PDE8A: variants seen among roughly 807,000 people sequenced by gnomAD.
PDE8A encodes high affinity cAMP-specific and IBMX-insensitive 3',5'-cyclic phosphodiesterase 8A.
PDE8A carries 59 observed loss-of-function variants against 105.0 expected under a neutral mutation model. The observed-to-expected ratio is 0.56, with a 90% CI of 0.46 to 0.70. PDE8A has a LOEUF of 0.70. PDE8A is among the 30% of genes least tolerant of loss of function. The pLI, the probability that PDE8A is intolerant of heterozygous loss-of-function variation, is 0.00. For synonymous variants in PDE8A, 355 were observed against 371.9 expected (o/e 0.95, Z 0.52); for missense variants, 1,014 against 1,045.9 (o/e 0.97, Z 0.42).
At chr15:85,066,969 C>A in intron 2 of PDE8A, 45 bp from the exon 3 acceptor site, 1 of 1,398,062 alleles carries the variant, frequency 7.2e-7, no homozygotes, top group Non-Finnish European at 9.9e-7. Flanking sequence ...AATGACAATT[C>A]TAACATCTTT....
At chr15:85,102,302 TAGGG>T (rs2081875863) in intron 11 of PDE8A, among the ~76,000 whole-genome samples, 1 of 151,864 alleles carries the variant, frequency 6.6e-6, no homozygotes, top group South Asian at 2.1e-4. Flanking sequence ...GAAGCACACA[TAGGG>T]AGGGAGGGGG....
intron 1 of PDE8A, among the ~76,000 whole-genome samples, chr15:84,986,905 G>A (rs1363850857): frequency 6.6e-6 from 1 of 152,160 alleles, no homozygotes; most frequent in Non-Finnish European, 1.5e-5. Context: ...GTGGGTTACT[G>A]TGCCCAACTG....
intron 1 of PDE8A, among the ~76,000 whole-genome samples, chr15:85,010,145 T>C (rs1022482671): frequency 1.3e-5 from 2 of 152,196 alleles, no homozygotes; most frequent in Admixed American, 6.5e-5. Context: ...GGAGAAGGCT[T>C]GAGGGCTTTT....
At position 85,004,599 on chromosome 15, in the gene PDE8A, T is replaced by G. The variant is rs1022289538; in HGVS notation, c.186+22251T>G. 6.6e-5 allele frequency among the ~76,000 whole-genome samples: 10 copies of G among 152,210 alleles called. No individual in the cohort carries two copies. The East Asian group carries it at 9.6e-4, about 15-fold the overall frequency. The stretch of plus-strand genomic sequence containing the variant: ...AAATCCACTCTATCGCCTAATACTT[T>G]AAGATTAATTTTCTTGACTTGCAAC... On this transcript the variant is annotated intron_variant, in intron 1 of 21. Transcript: ENST00000394553.
chr15:85,092,325 G>T (rs1201911337), intron 8 of PDE8A, among the ~76,000 whole-genome samples: 8 of 135,808 alleles, frequency 5.9e-5, no homozygotes, highest in East Asian at 5.9e-4. Flanking sequence ...TTTTTTTGTT[G>T]TTGTTTTTTT....
intron 13 of PDE8A, 77 bp from the exon 14 acceptor site, chr15:85,113,796 A>C (rs2082054204): frequency 3.5e-6 from 4 of 1,129,452 alleles, no homozygotes; most frequent in Non-Finnish European, 5.2e-6. Flanking sequence ...CTGGAATTAC[A>C]GACACGTACT....
chr15:85,101,497 A>G (rs1266589811), intron 11 of PDE8A, among the ~76,000 whole-genome samples: 1 of 152,226 alleles, frequency 6.6e-6, no homozygotes, highest in East Asian at 1.9e-4. Flanking sequence ...CAATGGGGAA[A>G]GAGGTATTTG....
chr15:85,023,382 T>G (rs914063991), intron 1 of PDE8A, among the ~76,000 whole-genome samples: 7 of 152,062 alleles, frequency 4.6e-5, no homozygotes, highest in Admixed American at 3.3e-4. Flanking sequence ...GCATAGGAAA[T>G]AATTGGGTTG....
At chr15:85,066,878 G>A (rs878914213) in intron 2 of PDE8A, 136 bp from the exon 3 acceptor site, 5 of 593,712 alleles carry the variant, frequency 8.4e-6, no homozygotes, top group Non-Finnish European at 1.4e-5. Flanking sequence ...GGCAGAGGTT[G>A]CAGTGAGCCA....
intron 17 of PDE8A, among the ~76,000 whole-genome samples, chr15:85,118,615 C>G (rs1363476438): frequency 6.6e-6 from 1 of 152,256 alleles, no homozygotes; most frequent in South Asian, 2.1e-4. Context: ...CTCTACAGCT[C>G]TCCACACTCA....
chr15:85,089,156 T>A (rs1596506170), intron 6 of PDE8A, among the ~76,000 whole-genome samples, 182 bp from the exon 7 acceptor site: 2 of 152,188 alleles, frequency 1.3e-5, no homozygotes, highest in East Asian at 3.8e-4. Context: ...TACCGCAGTG[T>A]GTACATAGTG....
At chr15:85,074,409 C>A (rs28522595) in intron 3 of PDE8A, among the ~76,000 whole-genome samples, 1 of 152,106 alleles carries the variant, frequency 6.6e-6, no homozygotes, top group African/African-American at 2.4e-5. Flanking sequence ...AAGACTGGGG[C>A]GGGGGCATTT....
intron 1 of PDE8A, among the ~76,000 whole-genome samples, chr15:85,001,933 G>A (rs1179620357): frequency 6.6e-6 from 1 of 152,056 alleles, no homozygotes; most frequent in African/African-American, 2.4e-5. Context: ...ACAATCCAGG[G>A]GGCTTGAGGT....
chr15:85,094,071 C>T (rs957579935), intron 8 of PDE8A, among the ~76,000 whole-genome samples: 1 of 152,132 alleles, frequency 6.6e-6, no homozygotes, highest in African/African-American at 2.4e-5. Flanking sequence ...CTGTGTTGCC[C>T]AGGCTGGTCT....
At chr15:84,993,312 A>G (rs532125603) in intron 1 of PDE8A, among the ~76,000 whole-genome samples, 126 of 152,006 alleles carry the variant, frequency 8.3e-4, no homozygotes, top group African/African-American at 2.5e-3. Context: ...GTGTGGTGGC[A>G]GGTGCCTGTA....
intron 1 of PDE8A, among the ~76,000 whole-genome samples, chr15:85,061,666 G>T (rs1441119717): frequency 6.6e-6 from 1 of 152,042 alleles, no homozygotes; most frequent in East Asian, 1.9e-4. Flanking sequence ...ATCAAGTTTG[G>T]GATATTTTCT....
Position 85,136,536 on chromosome 15 carries a change from T to C in PDE8A, c.2256T>C (p.Thr752=). 2.5e-6 allele frequency: 4 copies of C among 1,613,044 alleles called. No individual in the cohort carries two copies. The highest frequency in any genetic ancestry group is 3.4e-6 in the Non-Finnish European group (4 of 1,179,560). The change falls in exon 21 of 22, where the codon ACT becomes ACC. Residue 752 remains threonine, a splice_region_variant and synonymous_variant. Coordinates refer to ENST00000394553, the MANE Select transcript of PDE8A (RefSeq NM_002605.3). Reference sequence around the variant, plus strand: ...TGATCACATTTTCTGCTTTACAGACTGATGAAGAGAAGCAGCAGGGCTTAC... The same window carrying C: ...TGATCACATTTTCTGCTTTACAGACCGATGAAGAGAAGCAGCAGGGCTTAC... ...ARISEEYFSQ[T]DEEKQQGLPV...
At chr15:85,116,948 G>A (rs1420911695) in intron 16 of PDE8A, among the ~76,000 whole-genome samples, 1 of 152,222 alleles carries the variant, frequency 6.6e-6, no homozygotes, top group Non-Finnish European at 1.5e-5. Flanking sequence ...TTACATCCAT[G>A]TGAATTGGGC....
At chr15:85,115,344 G>T in intron 14 of PDE8A, 95 bp from the exon 15 acceptor site, 6 of 761,636 alleles carry the variant, frequency 7.9e-6, no homozygotes, top group African/African-American at 1.8e-5. Context: ...GGAGAGGGCT[G>T]CCCTGAGTTG....
Sources: allele counts gnomAD v4.1 joint callset (sites outside exome capture counted in the v4.1 genomes callset), GRCh38; gene constraint gnomAD v4.1.1; transcripts MANE v1.5; gene names NCBI Gene and HGNC (gene_info 2026-07-23, HGNC 2026-07-21).